The following PGM5 variants were observed in gnomAD, a reference collection of about 807,000 sequenced individuals.
PGM5 encodes the protein phosphoglucomutase 5, also known as phosphoglucomutase-like protein 5.
Under a neutral mutation model 59.2 loss-of-function variants are expected in PGM5, and 23 were observed. The observed-to-expected ratio is 0.39, with a 90% CI of 0.28 to 0.55. The LOEUF is 0.55. Ranked by LOEUF, PGM5 falls within the 20% of genes least tolerant of loss-of-function variation. PGM5 has a pLI of 0.66. For synonymous variants in PGM5, 214 were observed against 286.0 expected (o/e 0.75, Z 2.54); for missense variants, 574 against 748.3 (o/e 0.77, Z 2.72).
At chr9:68,501,476 C>G (rs1323627510) in intron 10 of PGM5, among the ~76,000 whole-genome samples, 1 of 152,188 alleles carries the variant, frequency 6.6e-6, no homozygotes, top group East Asian at 1.9e-4. Context: ...TTGAGGGCTC[C>G]TTACAGGGTT....
At chr9:68,399,471 T>C (rs541282335) in intron 6 of PGM5, among the ~76,000 whole-genome samples, 2 of 152,164 alleles carry the variant, frequency 1.3e-5, no homozygotes, top group Non-Finnish European at 2.9e-5. Context: ...CTTCATGTTG[T>C]CTAACTTTCT....
intron 2 of PGM5, among the ~76,000 whole-genome samples, chr9:68,378,737 G>C (rs1554678064): frequency 6.6e-6 from 1 of 152,168 alleles, no homozygotes; most frequent in East Asian, 1.9e-4. Context: ...CCACAGGGTT[G>C]ATCAGGGTCA....
At chr9:68,466,147 C>A in intron 7 of PGM5, 1 of 1,298,586 alleles carries the variant, frequency 7.7e-7, no homozygotes, top group East Asian at 5.6e-5. Context: ...CCCCTTTTTT[C>A]TTCTTGTGTT....
At chr9:68,473,007 T>G (rs1403115042) in intron 7 of PGM5, among the ~76,000 whole-genome samples, 2 of 150,106 alleles carry the variant, frequency 1.3e-5, no homozygotes, top group African/African-American at 2.5e-5. Flanking sequence ...GAAAGGTGAC[T>G]TTTTTTTCAG....
At chr9:68,367,883 G>A (rs1357800547) in intron 1 of PGM5, among the ~76,000 whole-genome samples, 5 of 150,476 alleles carry the variant, frequency 3.3e-5, no homozygotes, top group African/African-American at 1.2e-4. Context: ...CCCTAAAGAG[G>A]CTGAGGGGTT....
In PGM5 at chr9:68,406,720, A is replaced by ATATG. The variant is rs1563996767; in HGVS notation, c.1043+14250_1043+14251insGTAT. ...TATATATATATATATATATATATAT[A>ATATG]TATATGTATATAGTGCTTACAGCAG... is the stretch of plus-strand genomic sequence containing the variant. On this transcript the variant is annotated intron_variant, in intron 6 of 10. Transcript: ENST00000396396. 4.7e-3 allele frequency among the ~76,000 whole-genome samples: 359 copies of ATATG among 76,558 alleles called. 90 individuals are homozygous for ATATG. The highest frequency in any genetic ancestry group is 7.9e-3 in the South Asian group (17 of 2,148). The allele number at this position is 76,558 out of a possible 152,430, so 50.2% of individuals were successfully genotyped here. A position where few individuals can be genotyped will look rare whatever the true frequency, so the allele number is the denominator to read the frequency against.
chr9:68,391,817 A>G (rs1435622538), intron 5 of PGM5, 93 bp downstream of exon 5: 2 of 1,310,802 alleles, frequency 1.5e-6, no homozygotes, highest in East Asian at 2.4e-5. Context: ...TCTGGAGCTA[A>G]CATGTATGGG....
chr9:68,358,559 G>A (rs1254255179), intron 1 of PGM5, among the ~76,000 whole-genome samples: 15 of 152,236 alleles, frequency 9.9e-5, no homozygotes, highest in African/African-American at 3.4e-4. Flanking sequence ...TCTTGCAGAT[G>A]TATAAATGAG....
chr9:68,473,701 A>G (rs910886526), intron 7 of PGM5, among the ~76,000 whole-genome samples: 2 of 152,124 alleles, frequency 1.3e-5, no homozygotes, highest in Non-Finnish European at 2.9e-5. Context: ...TTATTGTATG[A>G]CCAACAATCC....
intron 6 of PGM5, chr9:68,395,703 T>C (rs1398015393): frequency 2.6e-5 from 4 of 152,174 alleles, no homozygotes; most frequent in Non-Finnish European, 4.4e-5. Flanking sequence ...GACGCTATTA[T>C]GAATGTTTTA....
intron 6 of PGM5, among the ~76,000 whole-genome samples, chr9:68,419,694 G>A (rs1191426550): frequency 6.6e-6 from 1 of 152,194 alleles, no homozygotes; most frequent in African/African-American, 2.4e-5. Context: ...AATGCCCCCA[G>A]TCTGGCAATG....
intron 2 of PGM5, among the ~76,000 whole-genome samples, chr9:68,379,776 A>G (rs1822019979): frequency 6.6e-6 from 1 of 152,088 alleles, no homozygotes; most frequent in Non-Finnish European, 1.5e-5. Context: ...CCATGAAAAC[A>G]GTTACCAAAA....
intron 4 of PGM5, among the ~76,000 whole-genome samples, chr9:68,388,920 CCTGATGGACCCTTTCAGT>C (rs1822297058): frequency 6.6e-6 from 1 of 151,932 alleles, no homozygotes. Flanking sequence ...ATATTGGACA[CCTGATGGACCCTTTCAGT>C]CTGAACACTT....
intron 10 of PGM5, among the ~76,000 whole-genome samples, chr9:68,500,566 A>G (rs1554688578): frequency 6.6e-6 from 1 of 152,094 alleles, no homozygotes; most frequent in African/African-American, 2.4e-5. Flanking sequence ...CATGCAGGGG[A>G]TGGGACACAC....
chr9:68,372,506 C>T, intron 1 of PGM5, among the ~76,000 whole-genome samples: 2 of 151,842 alleles, frequency 1.3e-5, no homozygotes. Flanking sequence ...TCAGTGTTGG[C>T]CCCTGCTGCT....
intron 6 of PGM5, among the ~76,000 whole-genome samples, chr9:68,420,115 C>T (rs1057459597): frequency 1.3e-5 from 2 of 152,146 alleles, no homozygotes; most frequent in African/African-American, 2.4e-5. Context: ...TTAATGGGCT[C>T]AGCCATTCCT....
chr9:68,395,684 CTTTAT>C (rs1822481534), intron 6 of PGM5: 1 of 151,852 alleles, frequency 6.6e-6, no homozygotes. Context: ...TGAGTATTTT[CTTTAT>C]TTTGACGCTA....
chr9:68,490,231 A>G (rs1824367343), intron 9 of PGM5, among the ~76,000 whole-genome samples: 1 of 152,236 alleles, frequency 6.6e-6, no homozygotes. Flanking sequence ...GCACTGTATA[A>G]AAGCAACTGA....
At chr9:68,394,901 T>C (rs2987694) in intron 6 of PGM5, among the ~76,000 whole-genome samples, 1 of 152,288 alleles carries the variant, frequency 6.6e-6, no homozygotes, top group East Asian at 1.9e-4. Flanking sequence ...GGATTATGGG[T>C]ATGAGCCACT....
Sources: allele counts gnomAD v4.1 joint callset (sites outside exome capture counted in the v4.1 genomes callset), GRCh38; gene constraint gnomAD v4.1.1; transcripts MANE v1.5; gene names NCBI Gene and HGNC (gene_info 2026-07-23, HGNC 2026-07-21).